SYNPR: variants seen among roughly 807,000 people sequenced by gnomAD.
The protein encoded by SYNPR is synaptoporin.
A neutral mutation model predicts 32.9 loss-of-function variants in SYNPR; 23 were observed. The observed-to-expected ratio is 0.70, with a 90% confidence interval of 0.50 to 0.99. The LOEUF (loss-of-function observed/expected upper bound fraction) is 0.99. Among genes scored for constraint, SYNPR ranks in the 50% least tolerant of loss-of-function variants. The pLI is 0.00. For missense variants in SYNPR, 318 were observed against 349.3 expected (o/e 0.91, Z 0.71); for synonymous variants, 146 against 135.9 (o/e 1.07, Z -0.52).
intron 3 of SYNPR, among the ~76,000 whole-genome samples, chr3:63,507,565 C>G (rs530181979): frequency 1.3e-5 from 2 of 152,224 alleles, no homozygotes; most frequent in African/African-American, 4.8e-5. Flanking sequence ...TAAGGAAACA[C>G]AACAACTATG....
At chr3:63,325,998 T>C (rs2106975078) in intron 2 of SYNPR, among the ~76,000 whole-genome samples, 1 of 152,166 alleles carries the variant, frequency 6.6e-6, no homozygotes, top group East Asian at 2.0e-4. Context: ...TTGTCATTTT[T>C]ATTCATTGGT....
At chr3:63,259,055 A>G (rs1018802266) in intron 2 of SYNPR, among the ~76,000 whole-genome samples, 1 of 152,190 alleles carries the variant, frequency 6.6e-6, no homozygotes, top group African/African-American at 2.4e-5. Flanking sequence ...CACCAATAAC[A>G]GGCTCTGACA....
chr3:63,222,951 A>G, the SYNPR span, among the ~76,000 whole-genome samples: 1 of 152,294 alleles, frequency 6.6e-6, no homozygotes, highest in East Asian at 1.9e-4. Context: ...TTAACATATA[A>G]AAATGTATAT....
chr3:63,471,982 T>A (rs756631576), intron 2 of SYNPR, among the ~76,000 whole-genome samples: 3 of 152,142 alleles, frequency 2.0e-5, no homozygotes, highest in Non-Finnish European at 4.4e-5. Context: ...AATATTCCTA[T>A]CATGCCAGAC....
chr3:63,418,193 A>G (rs1270817326), intron 2 of SYNPR, among the ~76,000 whole-genome samples: 4 of 152,138 alleles, frequency 2.6e-5, no homozygotes, highest in Non-Finnish European at 4.4e-5. Context: ...AAGTTCCACA[A>G]ATCTCTGGGG....
chr3:63,294,897 A>G (rs1307310216), intron 2 of SYNPR, among the ~76,000 whole-genome samples: 1 of 152,190 alleles, frequency 6.6e-6, no homozygotes, highest in Non-Finnish European at 1.5e-5. Context: ...GCTGAGACAC[A>G]TATATGCAAA....
chr3:63,298,888 G>T (rs2086816654), intron 2 of SYNPR, among the ~76,000 whole-genome samples: 2 of 152,086 alleles, frequency 1.3e-5, no homozygotes, highest in Admixed American at 1.3e-4. Context: ...GTGTCACCTG[G>T]CTGCCCCTGT....
chr3:63,252,710 T>TG (rs2086342849), intron 2 of SYNPR: 16 of 152,152 alleles, frequency 1.1e-4, no homozygotes, highest in Non-Finnish European at 1.8e-4. Flanking sequence ...TAATGGACAC[T>TG]GAGCAAATCA....
intron 2 of SYNPR, among the ~76,000 whole-genome samples, chr3:63,401,095 A>T (rs767368127): frequency 3.9e-5 from 6 of 152,094 alleles, no homozygotes; most frequent in Non-Finnish European, 8.8e-5. Context: ...GAGGTGGTTT[A>T]CAAAAACATC....
intron 2 of SYNPR, among the ~76,000 whole-genome samples, chr3:63,396,847 G>A (rs185922121): frequency 4.5e-4 from 69 of 152,292 alleles, no homozygotes; most frequent in Admixed American, 1.3e-3. Context: ...GCTCACGCCT[G>A]TAATCCCAGC....
chr3:63,528,011 G>C (rs1174168603), intron 3 of SYNPR, among the ~76,000 whole-genome samples: 1 of 152,074 alleles, frequency 6.6e-6, no homozygotes, highest in Non-Finnish European at 1.5e-5. Context: ...CTTCCCAGTG[G>C]TTCCAAAACT....
upstream of SYNPR, among the ~76,000 whole-genome samples, chr3:63,277,373 C>G (rs1327946132): frequency 2.0e-5 from 3 of 152,120 alleles, no homozygotes; most frequent in Non-Finnish European, 4.4e-5. Context: ...TTATATTCAG[C>G]AAGATTAGCC....
chr3:63,554,460 G>A (rs552564258), intron 3 of SYNPR, among the ~76,000 whole-genome samples: 16 of 152,300 alleles, frequency 1.1e-4, no homozygotes, highest in Non-Finnish European at 2.1e-4. Flanking sequence ...CATGTACTGA[G>A]TAGGGAGTTC....
chr3:63,359,619 T>G (rs1272230330), intron 2 of SYNPR, among the ~76,000 whole-genome samples: 2 of 152,208 alleles, frequency 1.3e-5, no homozygotes, highest in Admixed American at 1.3e-4. Flanking sequence ...CAGTACTCCA[T>G]GGCCCCAGAC....
chr3:63,442,559 G>A (rs1032663933), intron 2 of SYNPR, among the ~76,000 whole-genome samples: 6 of 152,124 alleles, frequency 3.9e-5, no homozygotes, highest in Non-Finnish European at 5.9e-5. Flanking sequence ...CTATGATTTC[G>A]GCCCTTCGAA....
the SYNPR span, among the ~76,000 whole-genome samples, chr3:63,218,868 G>A: frequency 6.6e-6 from 1 of 152,126 alleles, no homozygotes; most frequent in African/African-American, 2.4e-5. Context: ...AGTATTGCTG[G>A]GTTAAACAAC....
intron 5 of SYNPR, among the ~76,000 whole-genome samples, chr3:63,613,038 T>A (rs992873472): frequency 6.6e-6 from 1 of 151,382 alleles, no homozygotes; most frequent in Non-Finnish European, 1.5e-5. Flanking sequence ...AGTGGTGCAA[T>A]CATAGCTCAC....
At chr3:63,503,643 C>T (rs6766569) in intron 3 of SYNPR, among the ~76,000 whole-genome samples, 31,945 of 151,724 alleles carry the variant, frequency 0.21, 3,678 homozygotes, top group African/African-American at 0.3. Flanking sequence ...TCATCTATTC[C>T]AGTTTTGTCA....
chr3:63,435,632 C>T (rs1023563127), intron 2 of SYNPR, among the ~76,000 whole-genome samples: 5 of 152,178 alleles, frequency 3.3e-5, no homozygotes, highest in Non-Finnish European at 7.3e-5. Flanking sequence ...TGGAGCATCT[C>T]CATGGAATTC....
Sources: allele counts gnomAD v4.1 joint callset (sites outside exome capture counted in the v4.1 genomes callset), GRCh38; gene constraint gnomAD v4.1.1; transcripts MANE v1.5; gene names NCBI Gene and HGNC (gene_info 2026-07-23, HGNC 2026-07-21).